The following REV3L variants were observed in gnomAD, a reference collection of about 807,000 sequenced individuals.
The protein encoded by REV3L is DNA polymerase zeta catalytic subunit.
Under a neutral mutation model 299.4 loss-of-function variants are expected in REV3L, and 69 were observed. The observed-to-expected ratio is 0.23, with a 90% confidence interval of 0.19 to 0.28. The LOEUF (loss-of-function observed/expected upper bound fraction) is 0.28, where lower values mean the gene tolerates loss of function less well. REV3L is among the 10% of genes least tolerant of loss of function. REV3L has a pLI of 1.00. For missense variants in REV3L, 3,128 were observed against 3,693.8 expected (o/e 0.85, Z 3.97); for synonymous variants, 1,238 against 1,271.4 (o/e 0.97, Z 0.56).
At chr6:111,349,800 G>GA (rs1000148750) in intron 19 of REV3L, among the ~76,000 whole-genome samples, 3 of 151,642 alleles carry the variant, frequency 2.0e-5, no homozygotes. Context: ...TAATTTCTTG[G>GA]AAAAAAAACT....
Position 111,299,273 on chromosome 6 carries a change from A to AAAAC in REV3L, c.*739_*742dup, listed in dbSNP as rs1396633074. 6.6e-6 allele frequency: 1 copy of AAAAC among 152,658 alleles called. No homozygotes were observed. Among genetic ancestry groups the AAAAC allele is most frequent in the African/African-American group, 2.4e-5 (1 of 41,470 alleles). 9.5% of individuals were successfully genotyped at this position (152,658 alleles called of 1,614,324 possible). A position where few individuals can be genotyped will look rare whatever the true frequency, so the allele number is the denominator to read the frequency against. On this transcript the variant is annotated 3_prime_UTR_variant, in exon 32 of 32. Coordinates refer to ENST00000368802, the MANE Select transcript of REV3L (RefSeq NM_001372078.1). ...TTAGAAGCAATAGAAATGTCTATAC[A>AAAAC]AAACAAGCAAATGGAATAAAATTTT...
chr6:111,439,885 C>G (rs184034348), intron 1 of REV3L, among the ~76,000 whole-genome samples: 1 of 152,162 alleles, frequency 6.6e-6, no homozygotes, highest in African/African-American at 2.4e-5. Context: ...CGCCAACCAG[C>G]GCTTCAAAAG....
In REV3L at chr6:111,367,234, A is replaced by T; in HGVS notation, c.6554T>A (p.Ile2185Asn). ...EPQEPLVISP[I>N]NTRARTGKCE... The stretch of plus-strand genomic sequence containing the variant: ...TTTCCCAGTTCTTGCCCTAGTATTA[A>T]TTGGAGATATCACTAGAGGCTCTTG... Residue 2185 changes from isoleucine (I) to asparagine (N), a missense_variant, in exon 14 of 32, where the codon ATT becomes AAT. By Grantham distance (149) the Ile-to-Asn change is moderately radical (BLOSUM62 -3). This residue lies in a region of REV3L where 2,409 missense variants were observed against 2,611.8 expected (regional missense o/e 0.92). Coordinates refer to ENST00000368802, the MANE Select transcript of REV3L (RefSeq NM_001372078.1). 6.2e-7 allele frequency: 1 copy of T among 1,614,116 alleles called. No homozygotes were observed. The highest frequency in any genetic ancestry group is 8.5e-7 in the Non-Finnish European group (1 of 1,179,984).
At chr6:111,481,710 GCATTATTTCCTAGAACTC>G (rs566981887) in intron 1 of REV3L, among the ~76,000 whole-genome samples, 4 of 152,250 alleles carry the variant, frequency 2.6e-5, no homozygotes, top group African/African-American at 9.6e-5. Flanking sequence ...TTCCTAAGAT[GCATTATTTCCTAGAACTC>G]CATTATTTCA....
At position 111,367,219 on chromosome 6, in the gene REV3L, C is replaced by T; in HGVS notation, c.6569G>A (p.Arg2190Lys). 1 of 1,614,086 alleles carries T rather than the reference C, an allele frequency of 6.2e-7. No individual in the cohort carries two copies. Among genetic ancestry groups the T allele is most frequent in the Non-Finnish European group, 8.5e-7 (1 of 1,179,990 alleles). ...LVISPINTRA[R>K]TGKCESLCFH... Reference sequence around the variant, plus strand: ...GCAAAGTGATTCACATTTCCCAGTTCTTGCCCTAGTATTAATTGGAGATAT... The same window carrying T: ...GCAAAGTGATTCACATTTCCCAGTTTTTGCCCTAGTATTAATTGGAGATAT... Residue 2190 changes from arginine to lysine, a missense_variant, in exon 14 of 32, where the codon AGA (arginine) becomes AAA (lysine). By Grantham distance (26) the Arg-to-Lys change is conservative. Coordinates refer to ENST00000368802, the MANE Select transcript of REV3L (RefSeq NM_001372078.1).
chr6:111,422,424 C>G (rs1050240154), intron 1 of REV3L, among the ~76,000 whole-genome samples: 2 of 151,476 alleles, frequency 1.3e-5, no homozygotes, highest in Admixed American at 1.3e-4. Context: ...ACCTCAGCAA[C>G]AGAAGATGTT....
intron 20 of REV3L, among the ~76,000 whole-genome samples, chr6:111,348,487 T>C (rs1470606422): frequency 6.6e-6 from 1 of 152,234 alleles, no homozygotes; most frequent in Non-Finnish European, 1.5e-5. Context: ...TGACCCAGTA[T>C]TTAAATATAC....
chr6:111,342,893 T>TTA (rs1776665494), intron 21 of REV3L, among the ~76,000 whole-genome samples: 1 of 152,080 alleles, frequency 6.6e-6, no homozygotes, highest in South Asian at 2.1e-4. Flanking sequence ...AACAAAATCT[T>TTA]TAGAGTGGTG....
chr6:111,474,462 G>A (rs1275517236), intron 1 of REV3L, among the ~76,000 whole-genome samples: 2 of 152,226 alleles, frequency 1.3e-5, no homozygotes, highest in Non-Finnish European at 2.9e-5. Context: ...AAAGGCAGCT[G>A]TACACTGTGG....
chr6:111,351,713 T>C lies in REV3L; in HGVS notation c.7263A>G (p.Leu2421=). ...AGATCATCCGACATAAGTCAATACT[T>C]AAAGCGGCAGCCCTTTGTAAGAGGT... ...WGYLLQRAAA[L]SIDLCRMISR... The change falls in exon 19 of 32, where the codon TTA becomes TTG. Residue 2421 remains leucine, a synonymous_variant. Coordinates refer to ENST00000368802, the MANE Select transcript of REV3L (RefSeq NM_001372078.1). The C allele has an allele frequency of 6.2e-7, 1 of 1,613,774 alleles. No homozygotes were observed. Among genetic ancestry groups the C allele is most frequent in the African/African-American group, 1.3e-5 (1 of 75,008 alleles).
At chr6:111,483,462 T>G (rs1163978101), upstream of REV3L, 27 of 423,378 alleles carry the variant, frequency 6.4e-5, no homozygotes, top group South Asian at 9.5e-5. Context: ...GTCACCTGGG[T>G]GAGGGGCAGC....
At chr6:111,350,200 T>C (rs999796474) in intron 19 of REV3L, among the ~76,000 whole-genome samples, 4 of 152,202 alleles carry the variant, frequency 2.6e-5, no homozygotes, top group African/African-American at 9.7e-5. Context: ...TACTCAGAAA[T>C]GTTATATCTT....
chr6:111,408,070 T>A (rs1329639295), intron 3 of REV3L, among the ~76,000 whole-genome samples: 1 of 152,158 alleles, frequency 6.6e-6, no homozygotes, highest in East Asian at 1.9e-4. Flanking sequence ...AAAGTTTTAT[T>A]AATATTAAAA....
chr6:111,441,653 C>A (rs1206463089), intron 1 of REV3L, among the ~76,000 whole-genome samples: 1 of 152,182 alleles, frequency 6.6e-6, no homozygotes, highest in Non-Finnish European at 1.5e-5. Context: ...AAATCTCTGC[C>A]ATATCTAGCT....
chr6:111,441,652 C>T (rs1054705363), intron 1 of REV3L, among the ~76,000 whole-genome samples: 3 of 152,198 alleles, frequency 2.0e-5, no homozygotes, highest in Non-Finnish European at 4.4e-5. Flanking sequence ...AAAATCTCTG[C>T]CATATCTAGC....
intron 16 of REV3L, among the ~76,000 whole-genome samples, chr6:111,362,436 G>T (rs1379942072): frequency 1.3e-5 from 2 of 152,064 alleles, no homozygotes; most frequent in African/African-American, 4.8e-5. Context: ...CTTAAAGGTG[G>T]TTACTAATCC....
rs191887553 is a variant in REV3L, at chr6:111,358,561, C to T, written c.7072+261G>A. ...CACTACAGCCCCAAACTCCTGGGCT[C>T]GAGCAATCCTGTTGCCCAGCCTCCC... On this transcript the variant is annotated intron_variant, in intron 17 of 31. Coordinates refer to ENST00000368802, the MANE Select transcript of REV3L (RefSeq NM_001372078.1). Among the ~76,000 whole-genome samples, 79 of 152,270 alleles carry T rather than the reference C, an allele frequency of 5.2e-4. 2 individuals carry two copies. The East Asian group carries it at 0.015, about 29-fold the overall frequency.
chr6:111,391,987 T>C (rs1206021310), intron 5 of REV3L, among the ~76,000 whole-genome samples: 5 of 152,252 alleles, frequency 3.3e-5, no homozygotes, highest in Admixed American at 3.3e-4. Context: ...AGACCTTGTC[T>C]CAACAACAAC....
At chr6:111,452,652 G>A (rs954713959) in intron 1 of REV3L, among the ~76,000 whole-genome samples, 1 of 152,140 alleles carries the variant, frequency 6.6e-6, no homozygotes, top group Non-Finnish European at 1.5e-5. Context: ...AGCGAGAGAG[G>A]TTTTACTAAA....
Sources: gnomAD v4.1 joint callset for allele counts (sites outside exome capture counted in the v4.1 genomes callset) on GRCh38, gnomAD v4.1.1 for gene constraint, gnomAD v4.1.1 regional missense constraint, MANE v1.5 for transcripts, NCBI Gene and HGNC (gene_info 2026-07-23, HGNC 2026-07-21) for gene names.